The following ATP8A1 variants were observed in gnomAD, a reference collection of about 807,000 sequenced individuals.
The protein encoded by ATP8A1 is ATPase phospholipid transporting 8A1.
ATP8A1 carries 90 observed loss-of-function variants against 177.7 expected under a neutral mutation model. The observed-to-expected ratio is 0.51, with a 90% confidence interval of 0.43 to 0.60. ATP8A1 has a LOEUF of 0.60. Among genes scored for constraint, ATP8A1 ranks in the 20% least tolerant of loss-of-function variants. The pLI is 0.00. For missense variants in ATP8A1, 1,072 were observed against 1,392.8 expected, an observed-to-expected ratio of 0.77 and a Z score of 3.67; for synonymous variants, 493 against 485.9, an observed-to-expected ratio of 1.01 and a Z score of -0.19.
Position 42,444,733 on chromosome 4 carries a change from A to G in ATP8A1, c.2959-99T>C, listed in dbSNP as rs150403408. On this transcript the variant is annotated intron_variant, in intron 31 of 36. Coordinates refer to ENST00000381668, the MANE Select transcript of ATP8A1 (RefSeq NM_006095.2). ...AGAACAGAGATCTCTGAATGTAACT[A>G]TGGGACTAGGAGACTGCTGCTTGCT... 1,671 of 1,218,362 alleles carry G rather than the reference A, an allele frequency of 1.4e-3. 8 individuals carry two copies. Among genetic ancestry groups the G allele is most frequent in the African/African-American group, 0.014 (905 of 66,806 alleles). 75.5% of individuals were successfully genotyped at this position (1,218,362 alleles called of 1,614,324 possible).
At chr4:42,656,662 T>TG (rs1560571634) in intron 1 of ATP8A1, among the ~76,000 whole-genome samples, 163 bp downstream of exon 1, 1 of 151,946 alleles carries the variant, frequency 6.6e-6, no homozygotes, top group Non-Finnish European at 1.5e-5. Context: ...GCGAGTACAC[T>TG]GGGGGCAGCG....
chr4:42,494,657 G>A (rs1057194663), intron 24 of ATP8A1, among the ~76,000 whole-genome samples: 4 of 152,106 alleles, frequency 2.6e-5, no homozygotes, highest in Non-Finnish European at 5.9e-5. Context: ...ATGGTAGGAG[G>A]ACAAATATTT....
intron 4 of ATP8A1, among the ~76,000 whole-genome samples, chr4:42,618,029 A>G (rs1737088341): frequency 6.6e-6 from 1 of 152,172 alleles, no homozygotes; most frequent in African/African-American, 2.4e-5. Flanking sequence ...ATCCAAATTC[A>G]TTTACTATCA....
intron 27 of ATP8A1, chr4:42,459,270 T>C (rs1263284476): frequency 1.3e-5 from 2 of 156,054 alleles, no homozygotes; most frequent in Non-Finnish European, 1.4e-5. Context: ...ACAAATCACA[T>C]AATTCTGGGT....
chr4:42,415,179 A>C (rs1300410331), intron 35 of ATP8A1: 1 of 153,034 alleles, frequency 6.5e-6, no homozygotes, highest in Non-Finnish European at 1.5e-5. Context: ...ACTATTTTTT[A>C]GTTAAAAATA....
chr4:42,604,705 T>C (rs778169397), intron 5 of ATP8A1, among the ~76,000 whole-genome samples: 1 of 152,212 alleles, frequency 6.6e-6, no homozygotes, highest in Non-Finnish European at 1.5e-5. Context: ...AAAACATATG[T>C]TCACACAAAA....
chr4:42,500,601 G>A (rs1723764137), intron 24 of ATP8A1, among the ~76,000 whole-genome samples: 1 of 151,612 alleles, frequency 6.6e-6, no homozygotes, highest in African/African-American at 2.4e-5. Flanking sequence ...AAAAAATCAA[G>A]CTTTCTGCTG....
At chr4:42,580,087 G>A in intron 10 of ATP8A1, 109 bp from the exon 11 acceptor site, 2 of 777,276 alleles carry the variant, frequency 2.6e-6, no homozygotes, top group African/African-American at 1.8e-5. Flanking sequence ...ATCTAGATGT[G>A]GGTGGATACG....
At chr4:42,483,895 G>C (rs183405063) in intron 25 of ATP8A1, among the ~76,000 whole-genome samples, 1 of 152,070 alleles carries the variant, frequency 6.6e-6, no homozygotes, top group Non-Finnish European at 1.5e-5. Context: ...TTTATGTGTC[G>C]CACTGCGCCC....
intron 33 of ATP8A1, among the ~76,000 whole-genome samples, chr4:42,425,442 T>C (rs1036217438): frequency 6.6e-6 from 1 of 152,176 alleles, no homozygotes; most frequent in Non-Finnish European, 1.5e-5. Context: ...AAAGTTTTTC[T>C]GCGTCATATC....
chr4:42,457,670 T>C (rs1361522129), intron 27 of ATP8A1, among the ~76,000 whole-genome samples: 1 of 152,230 alleles, frequency 6.6e-6, no homozygotes, highest in African/African-American at 2.4e-5. Flanking sequence ...GGGCAAACAT[T>C]AGTAAATACG....
chr4:42,508,668 T>C (rs938229485), intron 22 of ATP8A1, among the ~76,000 whole-genome samples: 1 of 152,258 alleles, frequency 6.6e-6, no homozygotes, highest in African/African-American at 2.4e-5. Flanking sequence ...AACAGTGCTC[T>C]GCAGGCCACA....
Position 42,446,595 on chromosome 4 carries a change from G to A in ATP8A1, c.2946C>T (p.Asn982=). Residue 982 remains asparagine (N), a synonymous_variant, in exon 31 of 37, where the codon AAC becomes AAT. Coordinates refer to ENST00000381668, the MANE Select transcript of ATP8A1 (RefSeq NM_006095.2). ...GKTSDYLLLG[N]FVYTFVVITV... ...ATCCCGCACTCACAGTGTACACAAA[G>A]TTTCCCAGTAGCAGATAATCCGAGG... is the stretch of plus-strand genomic sequence containing the variant. The A allele has an allele frequency of 1.2e-6, 2 of 1,613,912 alleles. No homozygotes were observed. Among genetic ancestry groups the A allele is most frequent in the East Asian group, 2.2e-5 (1 of 44,868 alleles).
At chr4:42,613,234 G>A (rs1427402803) in intron 5 of ATP8A1, among the ~76,000 whole-genome samples, 2 of 152,018 alleles carry the variant, frequency 1.3e-5, no homozygotes, top group African/African-American at 2.4e-5. Flanking sequence ...GCAGCAAAGG[G>A]GAAAACAAAA....
intron 6 of ATP8A1, among the ~76,000 whole-genome samples, chr4:42,597,833 T>C (rs1318198355): frequency 6.6e-6 from 1 of 152,148 alleles, no homozygotes; most frequent in African/African-American, 2.4e-5. Flanking sequence ...TTCATAAAAA[T>C]AAATCTGAAA....
At chr4:42,584,556 T>C (rs1229961261) in intron 9 of ATP8A1, among the ~76,000 whole-genome samples, 1 of 152,140 alleles carries the variant, frequency 6.6e-6, no homozygotes, top group African/African-American at 2.4e-5. Context: ...TTTGGTACAG[T>C]TTCTTCACTC....
chr4:42,538,208 A>C (rs977559872), intron 20 of ATP8A1, among the ~76,000 whole-genome samples: 1 of 152,210 alleles, frequency 6.6e-6, no homozygotes, highest in African/African-American at 2.4e-5. Flanking sequence ...GATAGTTGGC[A>C]AGTCACATGT....
At chr4:42,422,108 G>A (rs1439323498) in intron 35 of ATP8A1, among the ~76,000 whole-genome samples, 9 of 151,158 alleles carry the variant, frequency 6.0e-5, no homozygotes, top group Middle Eastern at 3.4e-3. Context: ...TTTTTTTTCT[G>A]AGATGGAGTC....
intron 30 of ATP8A1, among the ~76,000 whole-genome samples, chr4:42,448,835 T>A (rs1349904462): frequency 1.7e-5 from 1 of 59,392 alleles, no homozygotes; most frequent in African/African-American, 8.8e-5. Context: ...TGCGTTTTTT[T>A]TTTTTTTTTT....
Sources: allele counts gnomAD v4.1 joint callset (sites outside exome capture counted in the v4.1 genomes callset), GRCh38; gene constraint gnomAD v4.1.1; transcripts MANE v1.5; gene names NCBI Gene and HGNC (gene_info 2026-07-23, HGNC 2026-07-21).